Variants in RPS6KA2 observed in about 807,000 individuals in gnomAD.
The protein encoded by RPS6KA2 is ribosomal protein S6 kinase A2.
RPS6KA2 carries 42 observed loss-of-function variants against 91.8 expected under a neutral mutation model. The ratio of observed to expected loss-of-function variants is 0.46; its 90% CI spans 0.36 to 0.59. The LOEUF is 0.59. Among genes scored for constraint, RPS6KA2 ranks in the 20% least tolerant of loss-of-function variants. The pLI is 0.00. For synonymous variants in RPS6KA2, 414 were observed against 393.6 expected (o/e 1.05, Z -0.61); for missense variants, 798 against 978.5 (o/e 0.82, Z 2.46).
intron 2 of RPS6KA2, among the ~76,000 whole-genome samples, chr6:166,760,936 T>G (rs1778152060): frequency 6.6e-6 from 1 of 152,248 alleles, no homozygotes; most frequent in African/African-American, 2.4e-5. Flanking sequence ...CTTTGGTCTC[T>G]GGCTAAATGG....
chr6:166,470,780 G>A (rs1005231919), intron 10 of RPS6KA2, among the ~76,000 whole-genome samples: 1 of 152,174 alleles, frequency 6.6e-6, no homozygotes, highest in Non-Finnish European at 1.5e-5. Context: ...AGGGAGTGAG[G>A]GGCCGTGGAA....
intron 11 of RPS6KA2, among the ~76,000 whole-genome samples, chr6:166,460,274 T>A (rs1441073617): frequency 6.6e-6 from 1 of 152,232 alleles, no homozygotes; most frequent in African/African-American, 2.4e-5. Context: ...CCCTCTGTGC[T>A]CCGGTCTCAG....
At chr6:166,439,106 TA>T (rs369016095) in intron 14 of RPS6KA2, among the ~76,000 whole-genome samples, 21 of 114,510 alleles carry the variant, frequency 1.8e-4, no homozygotes, top group Non-Finnish European at 2.6e-4. Context: ...TATTTTTAAT[TA>T]ATTAATTAAT....
chr6:166,608,348 G>C (rs1302865957), intron 1 of RPS6KA2, among the ~76,000 whole-genome samples: 1 of 152,098 alleles, frequency 6.6e-6, no homozygotes, highest in East Asian at 1.9e-4. Flanking sequence ...TTATTTGTAT[G>C]GTAGTAACCA....
At chr6:166,561,466 G>C (rs964031417) in intron 1 of RPS6KA2, among the ~76,000 whole-genome samples, 1 of 151,926 alleles carries the variant, frequency 6.6e-6, no homozygotes, top group South Asian at 2.1e-4. Context: ...ATGGTTCATC[G>C]TTGACTGCTG....
At position 166,490,159 on chromosome 6, in the gene RPS6KA2, T is replaced by A. The variant is rs113507596; in HGVS notation, c.818+512A>T. Among the ~76,000 whole-genome samples the A allele has an allele frequency of 2.0e-5, 3 of 152,324 alleles. No homozygotes were observed. Among genetic ancestry groups the A allele is most frequent in the Non-Finnish European group, 4.4e-5 (3 of 68,022 alleles). ...AGAAAATGGTTTGTATCCAGTCACA[T>A]GGTAAAACGATACCGAGTCCTGCCA... On this transcript the variant is annotated intron_variant, in intron 9 of 20. Transcript: ENST00000265678. The surrounding 1 kb of genome is among the most constrained non-coding windows in gnomAD (Gnocchi z 4.2).
intron 2 of RPS6KA2, among the ~76,000 whole-genome samples, chr6:166,781,255 A>T (rs1432791531): frequency 1.3e-5 from 2 of 152,246 alleles, no homozygotes; most frequent in African/African-American, 4.8e-5. Context: ...GGAACTAGGA[A>T]CCGCATTTCA....
Position 166,533,708 on chromosome 6 carries a change from T to C in RPS6KA2, c.217-2395A>G, listed in dbSNP as rs1480434971. 1.3e-5 allele frequency among the ~76,000 whole-genome samples: 2 copies of C among 152,186 alleles called. No homozygotes were observed. Among genetic ancestry groups the C allele is most frequent in the Non-Finnish European group, 2.9e-5 (2 of 68,022 alleles). On this transcript the variant is annotated intron_variant, in intron 2 of 20. Coordinates refer to ENST00000265678, the MANE Select transcript of RPS6KA2 (RefSeq NM_021135.6). This position sits in a 1 kb window ranked among gnomAD's most constrained non-coding sequence, Gnocchi z 4.0. ...GGTTGCTCCAGCCCATGGTGGACTTTGGTAGGGTGACAGATGAATCTATCC... is the reference window on the plus strand; with the variant it reads ...GGTTGCTCCAGCCCATGGTGGACTTCGGTAGGGTGACAGATGAATCTATCC...
intron 1 of RPS6KA2, among the ~76,000 whole-genome samples, chr6:166,615,718 C>T (rs1283194135): frequency 6.6e-6 from 1 of 152,186 alleles, no homozygotes; most frequent in Non-Finnish European, 1.5e-5. Context: ...GGACCTCTCT[C>T]CTTATCCCCG....
At chr6:166,655,317 C>G (rs1199595797) in intron 2 of RPS6KA2, among the ~76,000 whole-genome samples, 2 of 152,220 alleles carry the variant, frequency 1.3e-5, no homozygotes, top group African/African-American at 4.8e-5. Context: ...GGACACATAA[C>G]AAGCATCACT....
chr6:166,640,677 G>A (rs770682952), intron 2 of RPS6KA2, among the ~76,000 whole-genome samples: 3 of 152,246 alleles, frequency 2.0e-5, no homozygotes, highest in Non-Finnish European at 4.4e-5. Context: ...ATAGTAAGCA[G>A]GGAAGAATAA....
At chr6:166,479,296 A>G (rs887161837) in intron 10 of RPS6KA2, among the ~76,000 whole-genome samples, 3 of 151,896 alleles carry the variant, frequency 2.0e-5, no homozygotes, top group African/African-American at 7.3e-5. Context: ...CCCATTATCC[A>G]CTCACACTTG....
At chr6:166,776,572 C>G (rs1778625099) in intron 2 of RPS6KA2, among the ~76,000 whole-genome samples, 1 of 152,212 alleles carries the variant, frequency 6.6e-6, no homozygotes. Flanking sequence ...GCTCCCCACT[C>G]TGCCCTCCCA....
At chr6:166,727,184 A>C (rs1653412637) in intron 2 of RPS6KA2, among the ~76,000 whole-genome samples, 1 of 152,284 alleles carries the variant, frequency 6.6e-6, no homozygotes, top group Non-Finnish European at 1.5e-5. Context: ...CTGGTCCAAC[A>C]ACAAAACACA....
At chr6:166,414,701 A>C (rs1778437694) in intron 19 of RPS6KA2, among the ~76,000 whole-genome samples, 1 of 152,242 alleles carries the variant, frequency 6.6e-6, no homozygotes, top group African/African-American at 2.4e-5. Flanking sequence ...CAAGATGAGA[A>C]TCCATATTCT....
intron 2 of RPS6KA2, among the ~76,000 whole-genome samples, chr6:166,650,579 GAC>G (rs1472843124): frequency 6.6e-6 from 1 of 152,230 alleles, no homozygotes; most frequent in Non-Finnish European, 1.5e-5. Context: ...AAATGATGAT[GAC>G]TGTTCAGGCC....
intron 3 of RPS6KA2, among the ~76,000 whole-genome samples, chr6:166,519,095 T>A (rs147745165): frequency 5.9e-5 from 9 of 152,390 alleles, no homozygotes; most frequent in African/African-American, 2.2e-4. Flanking sequence ...CATTTTCTGA[T>A]GCTGAGTACG....
chr6:166,763,655 G>C (rs970277799), intron 2 of RPS6KA2, among the ~76,000 whole-genome samples: 8 of 152,222 alleles, frequency 5.3e-5, no homozygotes, highest in Non-Finnish European at 1.0e-4. Flanking sequence ...AATTAAGAAA[G>C]AGCTGTCAAT....
chr6:166,679,909 G>C (rs553711938), intron 2 of RPS6KA2, among the ~76,000 whole-genome samples: 3 of 152,258 alleles, frequency 2.0e-5, no homozygotes, highest in Non-Finnish European at 4.4e-5. Context: ...TGGGCTGCAG[G>C]AGTACCTGGA....
Sources: gnomAD v4.1 joint callset for allele counts (sites outside exome capture counted in the v4.1 genomes callset) on GRCh38, gnomAD v4.1.1 for gene constraint, Gnocchi (gnomAD v3.1) non-coding constraint, MANE v1.5 for transcripts, NCBI Gene and HGNC (gene_info 2026-07-23, HGNC 2026-07-21) for gene names.